The following TPR variants were observed in gnomAD, a reference collection of about 807,000 sequenced individuals.
The protein encoded by TPR is translocated promoter region, nuclear basket protein, also known as nucleoprotein TPR.
Under a neutral mutation model 316.1 loss-of-function variants are expected in TPR, and 51 were observed. The ratio of observed to expected loss-of-function variants is 0.16; its 90% CI spans 0.13 to 0.20. TPR has a LOEUF of 0.20. TPR is among the 10% of genes least tolerant of loss of function. The pLI is 1.00. For synonymous variants in TPR, 981 were observed against 914.7 expected (o/e 1.07, Z -1.31); for missense variants, 2,272 against 2,754.8 (o/e 0.82, Z 3.92).
chr1:186,344,146 A>AG, intron 25 of TPR, 56 bp from the exon 26 acceptor site: 1 of 1,558,424 alleles, frequency 6.4e-7, no homozygotes, highest in South Asian at 1.2e-5. Flanking sequence ...TTTAAAAAAA[A>AG]CAACTTGGCC....
At chr1:186,327,888 C>G (rs1348893609) in intron 39 of TPR, among the ~76,000 whole-genome samples, 1 of 151,860 alleles carries the variant, frequency 6.6e-6, no homozygotes, top group Non-Finnish European at 1.5e-5. Context: ...GTTCAAGCGA[C>G]TCTCCTGCCT....
At chr1:186,371,184 A>C (rs1571643682) in intron 2 of TPR, 141 bp from the exon 3 acceptor site, 1 of 644,490 alleles carries the variant, frequency 1.6e-6, no homozygotes, top group Non-Finnish European at 2.6e-6. Context: ...TCACATTCCA[A>C]ATTCATGAAT....
chr1:186,337,901 T>A, intron 31 of TPR, 132 bp downstream of exon 31: 2 of 784,142 alleles, frequency 2.6e-6, no homozygotes, highest in Non-Finnish European at 3.8e-6. Flanking sequence ...AGAACTAATC[T>A]TAAATAAAGA....
In TPR at chr1:186,323,837, AAAG is replaced by A; in HGVS notation, c.6143_6145del (p.Ser2048del). Reference sequence around the variant, plus strand: ...TTGTTCTCTAGAAACCTCCTGAGAAAAAGAAGATTCTGCAGCACCTGTATTTCC... The same window carrying A: ...TTGTTCTCTAGAAACCTCCTGAGAAAAAGATTCTGCAGCACCTGTATTTCC... On this transcript the variant is annotated inframe_deletion, in exon 43 of 51. Coordinates refer to ENST00000367478, the MANE Select transcript of TPR (RefSeq NM_003292.3). 6.4e-7 allele frequency: 1 copy of A among 1,550,912 alleles called. No homozygotes were observed. The highest frequency in any genetic ancestry group is 8.6e-7 in the Non-Finnish European group (1 of 1,157,680).
chr1:186,342,818 AC>A (rs1472388352), intron 27 of TPR: 1 of 152,202 alleles, frequency 6.6e-6, no homozygotes, highest in Non-Finnish European at 1.5e-5. Context: ...TTTCACTACC[AC>A]AGCTTCTTTT....
intron 21 of TPR, among the ~76,000 whole-genome samples, chr1:186,348,286 C>T (rs964773534): frequency 6.6e-6 from 1 of 152,132 alleles, no homozygotes; most frequent in African/African-American, 2.4e-5. Context: ...CTGTCTTGTG[C>T]AGTTGAGATA....
chr1:186,353,959 T>C (rs1658948688), intron 17 of TPR, 109 bp from the exon 18 acceptor site: 2 of 931,590 alleles, frequency 2.1e-6, no homozygotes, highest in African/African-American at 3.3e-5. Flanking sequence ...CCTGAGAATA[T>C]TGTCTCTAAT....
Position 186,337,103 on chromosome 1 carries a change from T to A in TPR, c.4416A>T (p.Ser1472=). Residue 1472 remains serine, a synonymous_variant, in exon 32 of 51, where the codon TCA becomes TCT. Transcript: ENST00000367478. ...SSGDHQEQHV[S]VQEMQELKET... ...CTTTGAGTTCCTGCATTTCCTGGACTGAAACATGCTGCTCCTGATGGTCTC... is the reference window on the plus strand; with the variant it reads ...CTTTGAGTTCCTGCATTTCCTGGACAGAAACATGCTGCTCCTGATGGTCTC... The A allele has an allele frequency of 1.2e-6, 2 of 1,613,930 alleles. No homozygotes were observed. Among genetic ancestry groups the A allele is most frequent in the Non-Finnish European group, 1.7e-6 (2 of 1,179,830 alleles).
chr1:186,321,912 A>G (rs1449632752), intron 45 of TPR, among the ~76,000 whole-genome samples: 1 of 152,220 alleles, frequency 6.6e-6, no homozygotes, highest in Non-Finnish European at 1.5e-5. Flanking sequence ...ACACAAATTA[A>G]CTGATTCACT....
At chr1:186,367,573 C>G (rs1659388168) in intron 4 of TPR, among the ~76,000 whole-genome samples, 1 of 152,166 alleles carries the variant, frequency 6.6e-6, no homozygotes, top group African/African-American at 2.4e-5. Context: ...GTAGTTCAGC[C>G]TTTGCAAATA....
Position 186,361,834 on chromosome 1 carries a change from G to T in TPR, c.825C>A (p.Phe275Leu). Residue 275 changes from phenylalanine to leucine, a missense_variant, in exon 8 of 51, where the codon TTC (phenylalanine) becomes TTA (leucine). Phe to Leu is a conservative substitution (Grantham distance 22). Coordinates refer to ENST00000367478, the MANE Select transcript of TPR (RefSeq NM_003292.3). ...TTATGTGGGCATTTAATTCATTGTG[G>T]AATTTCTCTTCCATACTGGCCTGTT... Reference protein sequence around the residue: ...KEQQASMEEKFHNELNAHIKL... With the variant: ...KEQQASMEEKLHNELNAHIKL... 1.9e-6 allele frequency: 3 copies of T among 1,612,922 alleles called. No individual in the cohort carries two copies. Among genetic ancestry groups the T allele is most frequent in the Non-Finnish European group, 2.5e-6 (3 of 1,179,212 alleles).
intron 45 of TPR, 66 bp downstream of exon 45, chr1:186,322,252 C>T: frequency 6.9e-7 from 1 of 1,443,950 alleles, no homozygotes; most frequent in African/African-American, 1.4e-5. Flanking sequence ...AAATGATAAA[C>T]AAACTAACAG....
intron 29 of TPR, 30 bp from the exon 30 acceptor site, chr1:186,339,802 T>G (rs1174634538): frequency 1.3e-6 from 2 of 1,542,252 alleles, no homozygotes; most frequent in Non-Finnish European, 1.7e-6. Flanking sequence ...TACTTGATTT[T>G]TTTAGGTTTT....
chr1:186,352,772 A>G (rs1658904337), intron 18 of TPR, among the ~76,000 whole-genome samples: 1 of 152,230 alleles, frequency 6.6e-6, no homozygotes, highest in South Asian at 2.1e-4. Context: ...CATGGGTTCA[A>G]GTCCTAACCA....
At chr1:186,334,911 T>C (rs567554290) in intron 35 of TPR, among the ~76,000 whole-genome samples, 157 bp downstream of exon 35, 1 of 152,284 alleles carries the variant, frequency 6.6e-6, no homozygotes, top group South Asian at 2.1e-4. Flanking sequence ...GAAAACAAGC[T>C]GGCAAATACA....
At chr1:186,328,662 A>G (rs1301658493) in intron 39 of TPR, among the ~76,000 whole-genome samples, 2 of 152,214 alleles carry the variant, frequency 1.3e-5, no homozygotes, top group Non-Finnish European at 2.9e-5. Context: ...GTCTTTTTAC[A>G]AAGAAAAGCA....
intron 25 of TPR, 75 bp downstream of exon 25, chr1:186,344,300 C>G (rs992622539): frequency 6.1e-5 from 92 of 1,510,358 alleles, no homozygotes; most frequent in Middle Eastern, 1.8e-4. Flanking sequence ...GGCTCCATCT[C>G]AAAACATTAT....
chr1:186,331,521 C>A lies in TPR; in HGVS notation c.5665G>T (p.Asp1889Tyr). The A allele has an allele frequency of 6.2e-7, 1 of 1,608,558 alleles. No homozygotes were observed. The highest frequency in any genetic ancestry group is 8.5e-7 in the Non-Finnish European group (1 of 1,177,314). ...GEVETQVYNQ[D>Y]SQDSIGEGVT... is the part of the protein sequence containing the mutation. ...ACTTCTCCAATGGAATCTTGAGAAT[C>A]CTGGTTGTATACCTGAGTCTCTACC... The change falls in exon 39 of 51, where the codon GAT becomes TAT. Residue 1889 changes from aspartate (D) to tyrosine (Y), a missense_variant. Transcript: ENST00000367478.
At chr1:186,346,355 CAAA>C in intron 22 of TPR, 68 bp from the exon 23 acceptor site, 1 of 1,408,154 alleles carries the variant, frequency 7.1e-7, no homozygotes, top group Non-Finnish European at 9.5e-7. Context: ...TTATTTTCTC[CAAA>C]TCAAAACTAA....
Sources: gnomAD v4.1 joint callset for allele counts (sites outside exome capture counted in the v4.1 genomes callset) on GRCh38, gnomAD v4.1.1 for gene constraint, MANE v1.5 for transcripts, NCBI Gene and HGNC (gene_info 2026-07-23, HGNC 2026-07-21) for gene names.